The following RBFOX1 variants were observed in gnomAD, a reference collection of about 807,000 sequenced individuals.
RBFOX1 encodes RNA binding protein fox-1 homolog 1.
RBFOX1 carries 8 observed loss-of-function variants against 57.7 expected under a neutral mutation model. That is an observed-to-expected ratio of 0.14 (90% CI 0.08 to 0.25). RBFOX1 has a LOEUF of 0.25. Among genes scored for constraint, RBFOX1 ranks in the 10% least tolerant of loss-of-function variants. RBFOX1 has a pLI of 1.00. For missense variants in RBFOX1, 611 were observed against 548.5 expected, an observed-to-expected ratio of 1.11 and a Z score of -1.14; for synonymous variants, 326 against 222.4, an observed-to-expected ratio of 1.47 and a Z score of -4.15.
intron 3 of RBFOX1, among the ~76,000 whole-genome samples, chr16:5,715,076 A>T (rs755812528): frequency 5.9e-5 from 9 of 152,226 alleles, no homozygotes; most frequent in Non-Finnish European, 1.3e-4. Flanking sequence ...TCTTTTGTTG[A>T]CGCAGCCGCC....
intron 4 of RBFOX1, among the ~76,000 whole-genome samples, chr16:7,301,251 G>A (rs923806603): frequency 5.9e-5 from 9 of 152,146 alleles, no homozygotes; most frequent in Non-Finnish European, 8.8e-5. Context: ...TGTTCCTCTG[G>A]GCTCCTTAAT....
intron 4 of RBFOX1, among the ~76,000 whole-genome samples, chr16:7,379,224 C>A (rs1018591992): frequency 6.6e-6 from 1 of 152,116 alleles, no homozygotes; most frequent in Non-Finnish European, 1.5e-5. Flanking sequence ...GACTGAATGA[C>A]GTTTAGCTTT....
chr16:7,360,120 A>G (rs2097293500), intron 4 of RBFOX1, among the ~76,000 whole-genome samples: 1 of 152,240 alleles, frequency 6.6e-6, no homozygotes, highest in Non-Finnish European at 1.5e-5. Context: ...TTCAACCAAA[A>G]GACAGATGGA....
At chr16:6,227,437 C>T (rs913733540) in intron 1 of RBFOX1, among the ~76,000 whole-genome samples, 1 of 152,070 alleles carries the variant, frequency 6.6e-6, no homozygotes, top group Admixed American at 6.6e-5. Context: ...CCATCTAGAG[C>T]AAAAACAAAC....
chr16:7,648,652 G>A (rs1390611617), intron 11 of RBFOX1, among the ~76,000 whole-genome samples: 1 of 152,200 alleles, frequency 6.6e-6, no homozygotes, highest in African/African-American at 2.4e-5. Context: ...TTCAGGGACT[G>A]TTGTTGCTGG....
chr16:6,347,815 C>T (rs1209043938), intron 2 of RBFOX1, among the ~76,000 whole-genome samples: 1 of 152,200 alleles, frequency 6.6e-6, no homozygotes, highest in Non-Finnish European at 1.5e-5. Context: ...TCTAACTAAA[C>T]AGCAGTTGTT....
chr16:7,583,938 C>T (rs2093957473), intron 6 of RBFOX1, among the ~76,000 whole-genome samples: 1 of 152,162 alleles, frequency 6.6e-6, no homozygotes, highest in Non-Finnish European at 1.5e-5. Flanking sequence ...TCAGCACATG[C>T]AAAGGAAGAT....
intron 2 of RBFOX1, among the ~76,000 whole-genome samples, chr16:5,522,209 G>A (rs1367761458): frequency 6.6e-6 from 1 of 152,194 alleles, no homozygotes; most frequent in Non-Finnish European, 1.5e-5. Context: ...GTTCAAATCT[G>A]AGCTCTTCTA....
chr16:7,003,868 T>A (rs1393370966), intron 3 of RBFOX1: 1 of 152,162 alleles, frequency 6.6e-6, no homozygotes, highest in Non-Finnish European at 1.5e-5. Flanking sequence ...TTTCAGATGA[T>A]TGGTTATTTG....
intron 1 of RBFOX1, among the ~76,000 whole-genome samples, chr16:6,079,025 C>T (rs1276612024): frequency 6.6e-6 from 1 of 152,138 alleles, no homozygotes; most frequent in African/African-American, 2.4e-5. Flanking sequence ...TCATTTTTCT[C>T]TGGCTGGGTG....
intron 2 of RBFOX1, chr16:6,483,266 G>T (rs1400170933): frequency 1.5e-6 from 2 of 1,318,230 alleles, no homozygotes; most frequent in Non-Finnish European, 1.9e-6. Flanking sequence ...GCGCGCCCGG[G>T]TGTTGATTGC....
At chr16:6,855,673 T>G (rs952953380) in intron 3 of RBFOX1, among the ~76,000 whole-genome samples, 6 of 150,118 alleles carry the variant, frequency 4.0e-5, no homozygotes, top group Non-Finnish European at 5.9e-5. Flanking sequence ...AAAAAAGATC[T>G]TTTAACTCTG....
chr16:7,063,212 A>G (rs185432439), intron 4 of RBFOX1, among the ~76,000 whole-genome samples: 5 of 152,140 alleles, frequency 3.3e-5, no homozygotes, highest in Admixed American at 2.6e-4. Flanking sequence ...GTTCTCAGTC[A>G]TCAAGAGCAG....
At chr16:5,658,131 C>A (rs1037117046) in intron 3 of RBFOX1, among the ~76,000 whole-genome samples, 1 of 152,184 alleles carries the variant, frequency 6.6e-6, no homozygotes, top group Non-Finnish European at 1.5e-5. Flanking sequence ...TTGAGCAAAG[C>A]AATGCCAGGA....
chr16:5,970,512 C>T (rs545545088), intron 4 of RBFOX1, among the ~76,000 whole-genome samples: 1 of 152,238 alleles, frequency 6.6e-6, no homozygotes, highest in Non-Finnish European at 1.5e-5. Context: ...AGAATGCACG[C>T]TAATCACATT....
chr16:5,979,808 G>A (rs145191955), intron 4 of RBFOX1, among the ~76,000 whole-genome samples: 14 of 152,080 alleles, frequency 9.2e-5, no homozygotes, highest in East Asian at 3.9e-4. Flanking sequence ...GTTGCAGTGC[G>A]CCGAGATCGT....
intron 5 of RBFOX1, among the ~76,000 whole-genome samples, chr16:7,577,602 C>G (rs1372175990): frequency 6.6e-6 from 1 of 152,192 alleles, no homozygotes; most frequent in Non-Finnish European, 1.5e-5. Context: ...CCTCTTATCC[C>G]AACATTTACC....
At chr16:7,026,747 C>T (rs75074968) in intron 3 of RBFOX1, among the ~76,000 whole-genome samples, 10,634 of 152,218 alleles carry the variant, frequency 0.07, 624 homozygotes, top group East Asian at 0.29. Flanking sequence ...TACCCAATTC[C>T]GAGGCCTCAA....
At chr16:6,518,985 G>A (rs140447316) in intron 2 of RBFOX1, among the ~76,000 whole-genome samples, 1 of 151,938 alleles carries the variant, frequency 6.6e-6, no homozygotes. Flanking sequence ...AGAAAATAAA[G>A]GGGGAAATAT....
Sources: allele counts gnomAD v4.1 joint callset (sites outside exome capture counted in the v4.1 genomes callset), GRCh38; gene constraint gnomAD v4.1.1; transcripts MANE v1.5; gene names NCBI Gene and HGNC (gene_info 2026-07-23, HGNC 2026-07-21).